The following NPAS3 variants were observed in gnomAD, a reference collection of about 807,000 sequenced individuals.
NPAS3 encodes the protein neuronal PAS domain-containing protein 3.
Under a neutral mutation model 73.1 loss-of-function variants are expected in NPAS3, and 14 were observed. That is an observed-to-expected ratio of 0.19 (90% CI 0.13 to 0.30). The LOEUF (loss-of-function observed/expected upper bound fraction) is 0.30. Ranked by LOEUF, NPAS3 falls within the 10% of genes least tolerant of loss-of-function variation. The pLI, the probability that NPAS3 is intolerant of heterozygous loss-of-function variation, is 1.00. For missense variants in NPAS3, 1,096 were observed against 1,250.0 expected (o/e 0.88, Z 1.86); for synonymous variants, 620 against 541.5 (o/e 1.14, Z -2.01).
At chr14:33,092,015 T>C (rs1237738914) in intron 2 of NPAS3, among the ~76,000 whole-genome samples, 2 of 152,238 alleles carry the variant, frequency 1.3e-5, no homozygotes, top group African/African-American at 2.4e-5. Flanking sequence ...AGCAATATCA[T>C]ACTGAATGGG....
Position 33,215,859 on chromosome 14 carries a change from G to C in NPAS3, c.385+433G>C, listed in dbSNP as rs571046993. On this transcript the variant is annotated intron_variant, in intron 3 of 11. Transcript: ENST00000356141. ...CTTCCATCTTTAGCAGGCATTTTAA[G>C]TTAATGATTTTATTGACCAATGAAA... Among the ~76,000 whole-genome samples the C allele has an allele frequency of 7.9e-5, 12 of 152,272 alleles. 1 individual carries two copies. The highest frequency in any genetic ancestry group is 2.9e-4 in the African/African-American group (12 of 41,548).
At chr14:33,295,681 T>C (rs2042268146) in intron 3 of NPAS3, among the ~76,000 whole-genome samples, 1 of 152,240 alleles carries the variant, frequency 6.6e-6, no homozygotes, top group Non-Finnish European at 1.5e-5. Flanking sequence ...AAATTTTAAT[T>C]AGGATACTTA....
At chr14:33,366,342 A>G (rs1319339859) in intron 3 of NPAS3, among the ~76,000 whole-genome samples, 1 of 152,124 alleles carries the variant, frequency 6.6e-6, no homozygotes, top group Non-Finnish European at 1.5e-5. Context: ...AAAAAATCAT[A>G]AACAGATGAC....
intron 8 of NPAS3, among the ~76,000 whole-genome samples, chr14:33,777,516 T>C (rs944957926): frequency 6.6e-6 from 1 of 151,788 alleles, no homozygotes; most frequent in Non-Finnish European, 1.5e-5. Flanking sequence ...GTGTCATTTC[T>C]AAAGATTTAC....
intron 5 of NPAS3, among the ~76,000 whole-genome samples, chr14:33,629,994 A>G (rs1174415999): frequency 6.6e-6 from 1 of 152,174 alleles, no homozygotes; most frequent in Non-Finnish European, 1.5e-5. Flanking sequence ...CAATTTCTCA[A>G]GAGAGGGTAT....
chr14:33,056,283 A>G (rs1736372985), intron 2 of NPAS3, among the ~76,000 whole-genome samples: 1 of 152,180 alleles, frequency 6.6e-6, no homozygotes, highest in Admixed American at 6.5e-5. Context: ...ATATTGCAAT[A>G]AACAAGTACT....
At chr14:33,769,071 C>A (rs1344389364) in intron 7 of NPAS3, among the ~76,000 whole-genome samples, 2 of 152,126 alleles carry the variant, frequency 1.3e-5, no homozygotes, top group African/African-American at 4.8e-5. Flanking sequence ...AGCAAGAGGA[C>A]CTCAATTTAG....
intron 1 of NPAS3, among the ~76,000 whole-genome samples, chr14:33,040,302 C>G (rs1382537342): frequency 6.6e-6 from 1 of 152,092 alleles, no homozygotes; most frequent in Non-Finnish European, 1.5e-5. Flanking sequence ...AAGAAAACAA[C>G]TGTATACTTA....
chr14:33,480,917 G>T (rs997025034), intron 4 of NPAS3, among the ~76,000 whole-genome samples: 1 of 151,964 alleles, frequency 6.6e-6, no homozygotes, highest in Admixed American at 6.6e-5. Flanking sequence ...ATGAGCAACA[G>T]CATTTTTCTT....
At chr14:33,376,260 ATAT>A (rs1369007373) in intron 4 of NPAS3, among the ~76,000 whole-genome samples, 2 of 152,168 alleles carry the variant, frequency 1.3e-5, no homozygotes, top group African/African-American at 2.4e-5. Flanking sequence ...TTTTGAGGAA[ATAT>A]TATATAGTTG....
intron 5 of NPAS3, among the ~76,000 whole-genome samples, chr14:33,641,693 A>T (rs960143300): frequency 6.6e-6 from 1 of 151,492 alleles, no homozygotes; most frequent in African/African-American, 2.4e-5. Context: ...CAGCATAGTG[A>T]TGCTCCTAAT....
chr14:33,656,168 A>G (rs7155515), intron 5 of NPAS3, among the ~76,000 whole-genome samples: 76,981 of 151,642 alleles, frequency 0.51, 19,563 homozygotes, highest in East Asian at 0.57. Context: ...CACTGCAAAC[A>G]GAAGACTAGT....
At chr14:33,439,270 A>C (rs2049127876) in intron 4 of NPAS3, among the ~76,000 whole-genome samples, 1 of 152,258 alleles carries the variant, frequency 6.6e-6, no homozygotes, top group Non-Finnish European at 1.5e-5. Context: ...CAAAAAAGAA[A>C]GGAACATTCA....
rs180703586 is a variant in NPAS3, at chr14:33,294,280, A to G, written c.386-72906A>G. On this transcript the variant is annotated intron_variant, in intron 3 of 11. Transcript: ENST00000356141. ...CTTCTTTCAGTTTCTAGAAGTCTCC[A>G]TGTTCTTTTTCTCCACTGCCTACAG... Among the ~76,000 whole-genome samples, 688 of 152,164 alleles carry G rather than the reference A, an allele frequency of 4.5e-3. 8 individuals carry two copies. The highest frequency in any genetic ancestry group is 0.015 in the African/African-American group (625 of 41,512).
intron 4 of NPAS3, among the ~76,000 whole-genome samples, chr14:33,522,161 T>C (rs980747562): frequency 2.0e-5 from 3 of 152,182 alleles, no homozygotes; most frequent in African/African-American, 7.2e-5. Flanking sequence ...GCGGTAAAAA[T>C]CCATAAACGT....
chr14:33,709,600 T>C (rs2060760265), intron 6 of NPAS3, among the ~76,000 whole-genome samples: 1 of 152,178 alleles, frequency 6.6e-6, no homozygotes, highest in Non-Finnish European at 1.5e-5. Context: ...GTGTGAGAAG[T>C]GCTTTCACAT....
intron 4 of NPAS3, among the ~76,000 whole-genome samples, chr14:33,524,379 A>G (rs1257524892): frequency 6.6e-6 from 1 of 152,186 alleles, no homozygotes; most frequent in African/African-American, 2.4e-5. Context: ...CCCTCTCTAT[A>G]GCAGACACTC....
chr14:33,302,488 T>A (rs2140156846), intron 3 of NPAS3, among the ~76,000 whole-genome samples: 1 of 152,332 alleles, frequency 6.6e-6, no homozygotes, highest in East Asian at 1.9e-4. Context: ...CCAGCCATCA[T>A]TATTAGTCTA....
At chr14:33,106,042 G>C (rs569434166) in intron 2 of NPAS3, among the ~76,000 whole-genome samples, 1 of 152,248 alleles carries the variant, frequency 6.6e-6, no homozygotes, top group South Asian at 2.1e-4. Context: ...CTTTCTGTAA[G>C]TGCAGTGCTT....
Sources: gnomAD v4.1 joint callset for allele counts (sites outside exome capture counted in the v4.1 genomes callset) on GRCh38, gnomAD v4.1.1 for gene constraint, MANE v1.5 for transcripts, NCBI Gene and HGNC (gene_info 2026-07-23, HGNC 2026-07-21) for gene names.